The following SMARCAD1 variants were observed in gnomAD, a reference collection of about 807,000 sequenced individuals.
SMARCAD1 encodes SWI/SNF-related matrix-associated actin-dependent regulator of chromatin subfamily A containing DEAD/H box 1.
Under a neutral mutation model 127.1 loss-of-function variants are expected in SMARCAD1, and 25 were observed. The ratio of observed to expected loss-of-function variants is 0.20; its 90% CI spans 0.14 to 0.27. The LOEUF (loss-of-function observed/expected upper bound fraction) is 0.27. Among genes scored for constraint, SMARCAD1 ranks in the 10% least tolerant of loss-of-function variants. The pLI is 1.00. For missense variants in SMARCAD1, 807 were observed against 1,206.0 expected (o/e 0.67, Z 4.90); for synonymous variants, 400 against 396.9 (o/e 1.01, Z -0.09).
At chr4:94,275,796 C>CTT (rs535710589) in intron 14 of SMARCAD1, among the ~76,000 whole-genome samples, 1,327 of 85,358 alleles carry the variant, frequency 0.016, 46 homozygotes, top group African/African-American at 0.042. Flanking sequence ...TTAACATTTT[C>CTT]TTTTTTTTTT....
rs199743897 is a variant in SMARCAD1 at position 94,252,918 on chromosome 4, A to G, written c.1192A>G (p.Ile398Val). The G allele has an allele frequency of 4.1e-5, 66 of 1,614,116 alleles. No individual in the cohort carries two copies. The highest frequency in any genetic ancestry group is 1.7e-4 in the Middle Eastern group (1 of 6,058). Residue 398 changes from isoleucine (I) to valine (V), a missense_variant, in exon 9 of 24, where the codon ATT (isoleucine) becomes GTT (valine). By Grantham distance (29) the Ile-to-Val change is conservative. Around this residue, in one of 8 missense-constraint regions of SMARCAD1, gnomAD observed 257 missense variants for 303.4 expected, o/e 0.85. Transcript: ENST00000354268. ...KILHFLQDAS[I>V]GELTLIPQCS... ...TCTTCACTTCCTTCAAGATGCTTCAATTGGTGAACTTACTTTGATTCCTCA... is the reference window on the plus strand; with the variant it reads ...TCTTCACTTCCTTCAAGATGCTTCAGTTGGTGAACTTACTTTGATTCCTCA...
At chr4:94,249,613 A>T (rs200194206) in intron 6 of SMARCAD1, 41 bp from the exon 7 acceptor site, 1 of 1,026,774 alleles carries the variant, frequency 9.7e-7, no homozygotes, top group Non-Finnish European at 1.5e-6. Flanking sequence ...ATTGTTATTG[A>T]TATCTCTTAA....
At chr4:94,208,947 C>G (rs1344422251) in intron 2 of SMARCAD1, among the ~76,000 whole-genome samples, 1 of 152,124 alleles carries the variant, frequency 6.6e-6, no homozygotes, top group Non-Finnish European at 1.5e-5. Context: ...CCAGTATTCC[C>G]TCAAAATATT....
At chr4:94,239,085 G>GT (rs1379917670) in intron 5 of SMARCAD1, among the ~76,000 whole-genome samples, 1 of 152,110 alleles carries the variant, frequency 6.6e-6, no homozygotes, top group African/African-American at 2.4e-5. Context: ...GGATTTTCTG[G>GT]TTTTTTAATT....
Position 94,273,654 on chromosome 4 carries a change from C to G in SMARCAD1, c.1610C>G (p.Ala537Gly). The G allele has an allele frequency of 6.2e-7, 1 of 1,613,888 alleles. No individual in the cohort carries two copies. The highest frequency in any genetic ancestry group is 2.2e-5 in the East Asian group (1 of 44,812). ...ACTATTCAAGCCATTGCATTTCTGG[C>G]ATACCTCTATCAGGAGGGTAATAAT... ...GKTIQAIAFL[A>G]YLYQEGNNGP... is the part of the protein sequence containing the mutation. The change falls in exon 12 of 24, where the codon GCA becomes GGA. Residue 537 changes from alanine (A) to glycine (G), a missense_variant. Physicochemically the swap from Ala to Gly is moderately conservative, Grantham distance 60. Coordinates refer to ENST00000354268, the MANE Select transcript of SMARCAD1 (RefSeq NM_020159.5).
At chr4:94,223,962 T>C (rs76772324) in intron 2 of SMARCAD1, among the ~76,000 whole-genome samples, 21,948 of 152,050 alleles carry the variant, frequency 0.14, 1,811 homozygotes, top group Non-Finnish European at 0.19. Flanking sequence ...TTAGTTCTCA[T>C]TTTTAATACA....
chr4:94,270,911 T>C, intron 11 of SMARCAD1, 93 bp downstream of exon 11: 2 of 1,083,110 alleles, frequency 1.8e-6, no homozygotes, highest in Non-Finnish European at 2.8e-6. Flanking sequence ...TTTTTGCTAC[T>C]GTAGTTAACT....
In SMARCAD1 at chr4:94,208,277, A is replaced by G. The variant is rs544448851; in HGVS notation, c.-49-69A>G. ...CGGGCCCTTTATTGCCTTGGGAATA[A>G]ACTGCTGTGGCATTGTATCGTATAT... On this transcript the variant is annotated intron_variant, in intron 1 of 23. Coordinates refer to ENST00000354268, the MANE Select transcript of SMARCAD1 (RefSeq NM_020159.5). The G allele has an allele frequency of 9.1e-6, 10 of 1,102,514 alleles. No individual in the cohort carries two copies. In the Admixed American group the frequency reaches 1.2e-4, roughly 13 times the overall value. The allele number at this position is 1,102,514 out of a possible 1,614,324, so 68.3% of individuals were successfully genotyped here. A position where few individuals can be genotyped will look rare whatever the true frequency, so the allele number is the denominator to read the frequency against.
intron 6 of SMARCAD1, among the ~76,000 whole-genome samples, chr4:94,245,237 C>T (rs570301176): frequency 1.3e-5 from 2 of 152,316 alleles, no homozygotes; most frequent in Admixed American, 6.5e-5. Context: ...GATCTAACCA[C>T]AGAAAACATT....
chr4:94,245,201 A>C (rs1748229081), intron 6 of SMARCAD1, among the ~76,000 whole-genome samples: 1 of 152,234 alleles, frequency 6.6e-6, no homozygotes, highest in South Asian at 2.1e-4. Context: ...GAGGATATTG[A>C]GAAGTTTCTA....
At chr4:94,235,106 T>C (rs182660070) in intron 4 of SMARCAD1, among the ~76,000 whole-genome samples, 2 of 152,240 alleles carry the variant, frequency 1.3e-5, no homozygotes, top group African/African-American at 2.4e-5. Flanking sequence ...ATTTAAAATA[T>C]ACAATTTTGT....
chr4:94,280,733 G>A lies in SMARCAD1; in HGVS notation c.2560G>A (p.Gly854Arg). The change falls in exon 20 of 24, where the codon GGA becomes AGA. Residue 854 changes from glycine (G) to arginine (R), a missense_variant. By Grantham distance (125) the Gly-to-Arg change is moderately radical. Around this residue, in one of 8 missense-constraint regions of SMARCAD1, gnomAD observed 44 missense variants for 119.1 expected, o/e 0.37. Transcript: ENST00000354268. ...AGACATGGACTTGATTTTAGATTCT[G>A]GAAAATTTCGAGTTTTAGGATGCAT... ...QLDMDLILDS[G>R]KFRVLGCILS... 1 of 1,613,612 alleles carries A rather than the reference G, an allele frequency of 6.2e-7. No homozygotes were observed. The highest frequency in any genetic ancestry group is 8.5e-7 in the Non-Finnish European group (1 of 1,179,806).
intron 10 of SMARCAD1, among the ~76,000 whole-genome samples, chr4:94,266,023 C>T (rs558543431): frequency 6.6e-6 from 1 of 152,136 alleles, no homozygotes; most frequent in East Asian, 1.9e-4. Flanking sequence ...GATTACTGGC[C>T]TTTAATAGTA....
At chr4:94,231,407 C>T (rs1201974617) in intron 3 of SMARCAD1, among the ~76,000 whole-genome samples, 2 of 152,150 alleles carry the variant, frequency 1.3e-5, no homozygotes, top group Non-Finnish European at 2.9e-5. Context: ...ACTTCTTTAT[C>T]TGAGACTGGA....
At chr4:94,261,461 A>C (rs1750969814) in intron 9 of SMARCAD1, among the ~76,000 whole-genome samples, 1 of 152,206 alleles carries the variant, frequency 6.6e-6, no homozygotes, top group Admixed American at 6.5e-5. Flanking sequence ...CATATCTTCA[A>C]AGCATAACTA....
chr4:94,263,614 A>G (rs980705681), intron 9 of SMARCAD1, among the ~76,000 whole-genome samples: 3 of 152,080 alleles, frequency 2.0e-5, no homozygotes, highest in African/African-American at 7.2e-5. Context: ...TAGTATATCC[A>G]AAAAGCACTT....
At chr4:94,208,674 C>G (rs917759516) in intron 2 of SMARCAD1, 90 bp downstream of exon 2, 2 of 1,239,226 alleles carry the variant, frequency 1.6e-6, no homozygotes, top group African/African-American at 3.0e-5. Flanking sequence ...TTCTTGATGT[C>G]ATATATATTG....
intron 11 of SMARCAD1, 147 bp downstream of exon 11, chr4:94,270,965 G>A (rs1350722218): frequency 2.9e-6 from 2 of 679,634 alleles, no homozygotes; most frequent in African/African-American, 3.6e-5. Context: ...CTTTGTTTTT[G>A]ATAGAGTTAG....
chr4:94,226,010 A>G, intron 2 of SMARCAD1, 109 bp from the exon 3 acceptor site: 1 of 957,528 alleles, frequency 1.0e-6, no homozygotes, highest in Non-Finnish European at 1.6e-6. Context: ...TTTGATTTTT[A>G]GATTGGAAAC....
Sources: gnomAD v4.1 joint callset for allele counts (sites outside exome capture counted in the v4.1 genomes callset) on GRCh38, gnomAD v4.1.1 for gene constraint, gnomAD v4.1.1 regional missense constraint, MANE v1.5 for transcripts, NCBI Gene and HGNC (gene_info 2026-07-23, HGNC 2026-07-21) for gene names.